DSCAM: variants seen among roughly 807,000 people sequenced by gnomAD.
DSCAM encodes the protein cell adhesion molecule DSCAM.
A neutral mutation model predicts 217.7 loss-of-function variants in DSCAM; 47 were observed. The ratio of observed to expected loss-of-function variants is 0.22; its 90% confidence interval spans 0.17 to 0.28. DSCAM has a LOEUF of 0.28. DSCAM is among the 10% of genes least tolerant of loss of function. The pLI is 1.00. For missense variants in DSCAM, 2,080 were observed against 2,618.3 expected (o/e 0.79, Z 4.49); for synonymous variants, 1,056 against 1,015.3 (o/e 1.04, Z -0.76).
chr21:40,414,008 T>C (rs2075347584), intron 3 of DSCAM, among the ~76,000 whole-genome samples: 2 of 152,202 alleles, frequency 1.3e-5, no homozygotes, highest in African/African-American at 4.8e-5. Context: ...ATGTAAGAGC[T>C]GAAACTGTAA....
intron 3 of DSCAM, among the ~76,000 whole-genome samples, chr21:40,570,721 T>TA (rs370018782): frequency 2.0e-4 from 31 of 152,266 alleles, no homozygotes; most frequent in African/African-American, 7.5e-4. Context: ...TATCAGGACG[T>TA]AACTGTATGA....
At chr21:40,028,040 T>C (rs2088425101) in intron 32 of DSCAM, among the ~76,000 whole-genome samples, 1 of 28,214 alleles carries the variant, frequency 3.5e-5, no homozygotes, top group South Asian at 1.5e-3. Flanking sequence ...GATGGGTTTT[T>C]GGTGTGGATG....
intron 9 of DSCAM, among the ~76,000 whole-genome samples, chr21:40,305,217 T>C (rs983054993): frequency 6.6e-6 from 1 of 151,824 alleles, no homozygotes; most frequent in Non-Finnish European, 1.5e-5. Flanking sequence ...TGGTGAAACC[T>C]TGTCTCTACT....
chr21:40,693,560 C>T (rs1452934286), intron 2 of DSCAM, among the ~76,000 whole-genome samples: 2 of 151,956 alleles, frequency 1.3e-5, no homozygotes, highest in African/African-American at 2.4e-5. Context: ...TGGCAAACTG[C>T]TATTAGTCCT....
intron 1 of DSCAM, among the ~76,000 whole-genome samples, chr21:40,835,869 C>T (rs567843240): frequency 5.3e-5 from 8 of 152,150 alleles, no homozygotes; most frequent in Non-Finnish European, 1.2e-4. Context: ...CACATATGCC[C>T]TTATATGCCA....
chr21:40,520,604 C>G (rs549527568), intron 3 of DSCAM, among the ~76,000 whole-genome samples: 1 of 151,880 alleles, frequency 6.6e-6, no homozygotes, highest in Non-Finnish European at 1.5e-5. Context: ...ATCAGGAGTT[C>G]GAGACCAGCC....
intron 3 of DSCAM, among the ~76,000 whole-genome samples, chr21:40,641,347 T>A (rs1026894623): frequency 6.6e-6 from 1 of 152,124 alleles, no homozygotes; most frequent in African/African-American, 2.4e-5. Flanking sequence ...AAAACAGACA[T>A]GAGCTGGTTT....
chr21:40,044,139 C>T lies in DSCAM; in HGVS notation c.5322G>A (p.Arg1774=), dbSNP rs16999204. Residue 1774 remains arginine, a synonymous_variant, in exon 31 of 33, where the codon AGG becomes AGA. Transcript: ENST00000400454. ...TCTCTTTGTCTACTGATCCTGCAGC[C>T]CTGGGTGTTGGCAGCCTCCAGTCTG... ...LTTDWRLPTP[R]AAGSVDKESD... is the part of the protein sequence containing the mutation. 0.049 allele frequency: 78,936 copies of T among 1,614,018 alleles called. 2,639 individuals carry two copies. Among genetic ancestry groups the T allele is most frequent in the African/African-American group, 0.13 (10,096 of 74,982 alleles).
At chr21:40,513,278 G>A (rs1393592200) in intron 3 of DSCAM, 1 of 152,242 alleles carries the variant, frequency 6.6e-6, no homozygotes, top group Non-Finnish European at 1.5e-5. Flanking sequence ...GAAGAGACAT[G>A]GAGAACAGAA....
At chr21:40,347,540 A>G (rs531048908) in intron 6 of DSCAM, 130 bp downstream of exon 6, 73 of 1,223,644 alleles carry the variant, frequency 6.0e-5, no homozygotes, top group Admixed American at 4.6e-4. Context: ...AAATTAGGGT[A>G]GAGTACTAGC....
At chr21:40,558,313 C>T (rs1984502) in intron 3 of DSCAM, among the ~76,000 whole-genome samples, 68,519 of 151,816 alleles carry the variant, frequency 0.45, 16,739 homozygotes, top group Admixed American at 0.55. Flanking sequence ...CTGGGCATGG[C>T]GGCGGGCACC....
At chr21:40,262,051 C>T (rs75392585) in intron 11 of DSCAM, among the ~76,000 whole-genome samples, 5,624 of 152,168 alleles carry the variant, frequency 0.037, 336 homozygotes, top group African/African-American at 0.13. Flanking sequence ...CTCTCCCTCT[C>T]GCTTTCTTTC....
At chr21:40,291,675 T>A (rs2073894273) in intron 10 of DSCAM, among the ~76,000 whole-genome samples, 3 of 152,190 alleles carry the variant, frequency 2.0e-5, no homozygotes, top group Admixed American at 2.0e-4. Context: ...GACTCATCTG[T>A]CTTTAAGTCT....
At chr21:40,316,916 G>C (rs1441427463) in intron 8 of DSCAM, among the ~76,000 whole-genome samples, 1 of 152,146 alleles carries the variant, frequency 6.6e-6, no homozygotes, top group African/African-American at 2.4e-5. Context: ...ATTTCTCCTA[G>C]AGAAGAGGCG....
intron 20 of DSCAM, among the ~76,000 whole-genome samples, chr21:40,122,236 C>T (rs1247925648): frequency 6.6e-6 from 1 of 152,132 alleles, no homozygotes; most frequent in Admixed American, 6.5e-5. Flanking sequence ...GGGGCTTTCT[C>T]AGTAAGCATC....
At chr21:40,130,046 T>C (rs1051403979) in intron 19 of DSCAM, among the ~76,000 whole-genome samples, 1 of 152,202 alleles carries the variant, frequency 6.6e-6, no homozygotes, top group Non-Finnish European at 1.5e-5. Flanking sequence ...CCTTCAGAGT[T>C]AGGTGCATTA....
At chr21:40,741,843 T>A (rs948842357) in intron 1 of DSCAM, among the ~76,000 whole-genome samples, 2 of 152,168 alleles carry the variant, frequency 1.3e-5, no homozygotes, top group African/African-American at 2.4e-5. Flanking sequence ...CCAGATGAGG[T>A]GTTACTTAGT....
chr21:40,776,218 T>C (rs2091487111), intron 1 of DSCAM, among the ~76,000 whole-genome samples: 1 of 152,174 alleles, frequency 6.6e-6, no homozygotes, highest in Non-Finnish European at 1.5e-5. Context: ...TATAATTTTT[T>C]ATATTATTTC....
chr21:40,382,030 G>A (rs141866999), intron 3 of DSCAM, among the ~76,000 whole-genome samples: 3 of 152,164 alleles, frequency 2.0e-5, no homozygotes, highest in Non-Finnish European at 4.4e-5. Context: ...GTGAGTCAGA[G>A]CAAAAAATGT....
Sources: allele counts gnomAD v4.1 joint callset (sites outside exome capture counted in the v4.1 genomes callset), GRCh38; gene constraint gnomAD v4.1.1; transcripts MANE v1.5; gene names NCBI Gene and HGNC (gene_info 2026-07-23, HGNC 2026-07-21).